PLCH1: variants seen among roughly 807,000 people sequenced by gnomAD.
PLCH1 encodes the protein 1-phosphatidylinositol 4,5-bisphosphate phosphodiesterase eta-1.
In PLCH1, 60 loss-of-function variants were observed where a neutral mutation model predicts 126.7. That is an observed-to-expected ratio of 0.47 (90% CI 0.38 to 0.59). The LOEUF (loss-of-function observed/expected upper bound fraction) is 0.59. Among genes scored for constraint, PLCH1 ranks in the 20% least tolerant of loss-of-function variants. The probability of loss-of-function intolerance (pLI) is 0.00; values close to 1 mark genes in which losing one functional copy is unlikely to be tolerated. For synonymous variants in PLCH1, 719 were observed against 734.9 expected, an observed-to-expected ratio of 0.98 and a Z score of 0.35; for missense variants, 1,723 against 2,040.0, an observed-to-expected ratio of 0.84 and a Z score of 2.99.
chr3:155,490,211 T>A (rs1207612378), intron 19 of PLCH1, among the ~76,000 whole-genome samples: 1 of 152,196 alleles, frequency 6.6e-6, no homozygotes, highest in African/African-American at 2.4e-5. Flanking sequence ...GTGAAATGTA[T>A]GAACAAACAA....
In PLCH1 at chr3:155,485,678, G is replaced by A. The variant is rs764788181; in HGVS notation, c.2652C>T (p.Phe884=). The change falls in exon 22 of 23, where the codon TTC becomes TTT. Residue 884 remains phenylalanine, a synonymous_variant. Coordinates refer to ENST00000460012, the MANE Select transcript of PLCH1 (RefSeq NM_014996.4). The stretch of plus-strand genomic sequence containing the variant: ...AAGAACTGTGCCTAGGATTCTTATT[G>A]AACAGTCCCTTCAGACCCTGGAGTT... ...NRQLQGLKGL[F]NKNPRHSSSE... is the part of the protein sequence containing the mutation. The A allele has an allele frequency of 6.2e-7, 1 of 1,603,864 alleles. No homozygotes were observed. Among genetic ancestry groups the A allele is most frequent in the South Asian group, 1.1e-5 (1 of 91,050 alleles).
chr3:155,733,729 C>T (rs1748938849), intron 1 of PLCH1, among the ~76,000 whole-genome samples: 1 of 151,324 alleles, frequency 6.6e-6, no homozygotes, highest in Admixed American at 6.6e-5. Flanking sequence ...TTGCTTCAAA[C>T]TAAAAAAGAG....
chr3:155,563,576 C>T (rs1727913942), intron 8 of PLCH1, among the ~76,000 whole-genome samples: 1 of 151,920 alleles, frequency 6.6e-6, no homozygotes, highest in African/African-American at 2.4e-5. Context: ...TGATAGCCTT[C>T]CCACCAACTT....
At chr3:155,522,689 A>C (rs1452101633) in intron 11 of PLCH1, among the ~76,000 whole-genome samples, 2 of 143,664 alleles carry the variant, frequency 1.4e-5, no homozygotes, top group Non-Finnish European at 3.0e-5. Context: ...AATTACAAGA[A>C]TTTATACAAA....
intron 4 of PLCH1, among the ~76,000 whole-genome samples, chr3:155,591,424 G>A (rs1732156177): frequency 6.6e-6 from 1 of 152,170 alleles, no homozygotes; most frequent in Non-Finnish European, 1.5e-5. Flanking sequence ...CTACATGTCT[G>A]TGTGAGGCCA....
intron 2 of PLCH1, among the ~76,000 whole-genome samples, chr3:155,613,740 C>G (rs749304464): frequency 3.3e-5 from 5 of 152,068 alleles, no homozygotes; most frequent in Non-Finnish European, 5.9e-5. Flanking sequence ...AAAACTGGAA[C>G]GAGACAAGGA....
At chr3:155,733,963 A>G (rs1453850562) in intron 1 of PLCH1, among the ~76,000 whole-genome samples, 48 of 98,242 alleles carry the variant, frequency 4.9e-4, no homozygotes, top group African/African-American at 1.2e-3. Context: ...ATATATATAT[A>G]TATATATATA....
At chr3:155,595,449 C>T (rs1732863728) in intron 3 of PLCH1, among the ~76,000 whole-genome samples, 1 of 152,200 alleles carries the variant, frequency 6.6e-6, no homozygotes, top group Admixed American at 6.5e-5. Flanking sequence ...ACATGACTCA[C>T]AGGGAAATGA....
At chr3:155,634,522 C>T (rs1738489391) in intron 2 of PLCH1, among the ~76,000 whole-genome samples, 1 of 152,174 alleles carries the variant, frequency 6.6e-6, no homozygotes, top group Non-Finnish European at 1.5e-5. Flanking sequence ...GGTTGCTGAG[C>T]ACTTACAGGA....
chr3:155,678,415 G>A (rs1744262618), intron 2 of PLCH1, among the ~76,000 whole-genome samples: 1 of 152,180 alleles, frequency 6.6e-6, no homozygotes, highest in Admixed American at 6.5e-5. Context: ...TGGCCCATAA[G>A]TGTCTGTTTG....
intron 1 of PLCH1, among the ~76,000 whole-genome samples, chr3:155,741,684 C>CTTTTATTTTT: frequency 1.1e-4 from 11 of 102,860 alleles, no homozygotes; most frequent in Admixed American, 4.6e-4. Context: ...TTTATATCCT[C>CTTTTATTTTT]TTTTTTTTTT....
chr3:155,454,566 T>C (rs1161710990), intron 21 of PLCH1, among the ~76,000 whole-genome samples: 1 of 152,224 alleles, frequency 6.6e-6, no homozygotes, highest in Non-Finnish European at 1.5e-5. Flanking sequence ...GAATGTTGAC[T>C]TGGCATGGGT....
At chr3:155,585,809 C>T (rs1463728409) in intron 5 of PLCH1, among the ~76,000 whole-genome samples, 1 of 152,182 alleles carries the variant, frequency 6.6e-6, no homozygotes, top group Non-Finnish European at 1.5e-5. Flanking sequence ...GGGACTGGAG[C>T]AAGTTTCCTC....
At chr3:155,548,698 A>G (rs761448125) in intron 10 of PLCH1, among the ~76,000 whole-genome samples, 4 of 152,246 alleles carry the variant, frequency 2.6e-5, no homozygotes, top group Non-Finnish European at 5.9e-5. Flanking sequence ...AGTTTGCTTT[A>G]GCAAGACTTG....
At chr3:155,666,053 A>T (rs903816218) in intron 2 of PLCH1, among the ~76,000 whole-genome samples, 2 of 152,216 alleles carry the variant, frequency 1.3e-5, no homozygotes, top group African/African-American at 4.8e-5. Flanking sequence ...TTTTAAAATC[A>T]ATTGTCTACT....
chr3:155,600,302 C>T (rs1733548603), intron 2 of PLCH1, among the ~76,000 whole-genome samples: 1 of 152,156 alleles, frequency 6.6e-6, no homozygotes, highest in Non-Finnish European at 1.5e-5. Context: ...CAGCACAAGC[C>T]ACTTTCTTCC....
chr3:155,672,883 C>A (rs1378418049), intron 2 of PLCH1, among the ~76,000 whole-genome samples: 2 of 152,044 alleles, frequency 1.3e-5, no homozygotes, highest in Admixed American at 1.3e-4. Flanking sequence ...AGCTAAGAAA[C>A]TTGAATAAAG....
chr3:155,517,763 T>G (rs1338432074), intron 11 of PLCH1, among the ~76,000 whole-genome samples: 1 of 152,192 alleles, frequency 6.6e-6, no homozygotes, highest in Non-Finnish European at 1.5e-5. Context: ...AACCTATCTT[T>G]CAGTGGCCAC....
chr3:155,715,155 C>G lies in PLCH1; in HGVS notation c.-40-10891G>C, dbSNP rs181178192. ...AATATTATTCATATAATTTTAATAT[C>G]TACAACATCTATTCTCTGAATCCTG... On this transcript the variant is annotated intron_variant, in intron 1 of 22. Transcript: ENST00000460012. 4.6e-5 allele frequency among the ~76,000 whole-genome samples: 7 copies of G among 152,206 alleles called. No individual in the cohort carries two copies. The East Asian group carries it at 1.4e-3, about 29-fold the overall frequency.
Sources: gnomAD v4.1 joint callset for allele counts (sites outside exome capture counted in the v4.1 genomes callset) on GRCh38, gnomAD v4.1.1 for gene constraint, MANE v1.5 for transcripts, NCBI Gene and HGNC (gene_info 2026-07-23, HGNC 2026-07-21) for gene names.